KIF2A: variants seen among roughly 807,000 people sequenced by gnomAD.
KIF2A encodes kinesin-like protein KIF2A.
KIF2A carries 22 observed loss-of-function variants against 100.2 expected under a neutral mutation model. The ratio of observed to expected loss-of-function variants is 0.22; its 90% CI spans 0.16 to 0.31. The LOEUF is 0.31. Among genes scored for constraint, KIF2A ranks in the 10% least tolerant of loss-of-function variants. The pLI is 1.00. For missense variants in KIF2A, 495 were observed against 898.7 expected (o/e 0.55, Z 5.74); for synonymous variants, 268 against 285.9 (o/e 0.94, Z 0.63).
intron 10 of KIF2A, 21 bp downstream of exon 10, chr5:62,361,353 A>G: frequency 1.3e-6 from 2 of 1,537,664 alleles, no homozygotes; most frequent in Non-Finnish European, 1.8e-6. Context: ...TATTAAAGTT[A>G]CATTCTGGTA....
At chr5:62,330,806 A>G (rs1561255088) in intron 1 of KIF2A, among the ~76,000 whole-genome samples, 1 of 152,170 alleles carries the variant, frequency 6.6e-6, no homozygotes, top group Admixed American at 6.5e-5. Context: ...GACACACTAT[A>G]TATTTTAATT....
chr5:62,324,721 A>G (rs1311894282), intron 1 of KIF2A, among the ~76,000 whole-genome samples: 1 of 152,250 alleles, frequency 6.6e-6, no homozygotes, highest in Non-Finnish European at 1.5e-5. Context: ...AAAATGGATT[A>G]AAGACTTAAA....
intron 18 of KIF2A, among the ~76,000 whole-genome samples, chr5:62,375,541 G>GT (rs1741500150): frequency 6.6e-6 from 1 of 152,176 alleles, no homozygotes; most frequent in Non-Finnish European, 1.5e-5. Context: ...GCCAAACCTT[G>GT]TATCAATTAA....
At chr5:62,372,618 C>G in intron 17 of KIF2A, 67 bp downstream of exon 17, 1 of 909,730 alleles carries the variant, frequency 1.1e-6, no homozygotes, top group Non-Finnish European at 1.7e-6. Context: ...TTTGTATAAA[C>G]ATTTCATTTG....
chr5:62,341,925 T>C (rs192941522), intron 1 of KIF2A, among the ~76,000 whole-genome samples: 102 of 152,318 alleles, frequency 6.7e-4, no homozygotes, highest in African/African-American at 2.4e-3. Context: ...TTTTTCTTTT[T>C]TTTCCAACTA....
At chr5:62,382,634 G>GT (rs35714674) in intron 20 of KIF2A, among the ~76,000 whole-genome samples, 32,554 of 134,696 alleles carry the variant, frequency 0.24, 4,035 homozygotes, top group Middle Eastern at 0.29. Flanking sequence ...CAGGTTTCAG[G>GT]TTTTTTTTTT....
chr5:62,374,409 C>T (rs1309103479), intron 18 of KIF2A, among the ~76,000 whole-genome samples: 1 of 152,130 alleles, frequency 6.6e-6, no homozygotes, highest in African/African-American at 2.4e-5. Context: ...TTATCTGGCC[C>T]TTTAAGGAAG....
intron 10 of KIF2A, 54 bp downstream of exon 10, chr5:62,361,386 T>C: frequency 1.4e-6 from 2 of 1,457,972 alleles, no homozygotes; most frequent in Admixed American, 3.4e-5. Context: ...TTCTTTTCCT[T>C]ATAGCTTAAT....
At chr5:62,376,051 A>ATGT (rs1224649693) in intron 18 of KIF2A, among the ~76,000 whole-genome samples, 1 of 152,242 alleles carries the variant, frequency 6.6e-6, no homozygotes, top group Non-Finnish European at 1.5e-5. Flanking sequence ...GCATCTAGAT[A>ATGT]TGTTACCTCC....
chr5:62,308,896 G>A (rs543692625), intron 1 of KIF2A, among the ~76,000 whole-genome samples: 4 of 129,800 alleles, frequency 3.1e-5, no homozygotes, highest in Non-Finnish European at 4.9e-5. Context: ...TTAAATAAGT[G>A]GATTTTAGCA....
In KIF2A at chr5:62,335,793, T is replaced by C. The variant is rs143159547; in HGVS notation, c.65-11337T>C. Among the ~76,000 whole-genome samples, 123 of 152,306 alleles carry C rather than the reference T, an allele frequency of 8.1e-4. 1 individual carries two copies. Among genetic ancestry groups the C allele is most frequent in the African/African-American group, 2.7e-3 (112 of 41,580 alleles). Reference sequence around the variant, plus strand: ...GGTGTTTTTTGTTTCACTTTACCCCTAACAGATGACATTTTCTGTACTAAT... The same window carrying C: ...GGTGTTTTTTGTTTCACTTTACCCCCAACAGATGACATTTTCTGTACTAAT... On this transcript the variant is annotated intron_variant, in intron 1 of 20. Coordinates refer to ENST00000407818, the MANE Select transcript of KIF2A (RefSeq NM_001098511.3).
rs1180819301 is a variant in KIF2A at position 62,328,599 on chromosome 5, C to G, written c.65-18531C>G. On this transcript the variant is annotated intron_variant, in intron 1 of 20. Coordinates refer to ENST00000407818, the MANE Select transcript of KIF2A (RefSeq NM_001098511.3). ...CACTGCCTCCGGGGTTCAAGTGATTCTCCTGCCTCAGCCTCCCAGGTAGCT... is the reference window on the plus strand; with the variant it reads ...CACTGCCTCCGGGGTTCAAGTGATTGTCCTGCCTCAGCCTCCCAGGTAGCT... Among the ~76,000 whole-genome samples the G allele has an allele frequency of 5.3e-5, 8 of 152,200 alleles. No individual in the cohort carries two copies. In the East Asian group the frequency reaches 5.8e-4, roughly 11 times the overall value.
chr5:62,373,606 C>T (rs987261220), intron 17 of KIF2A, 81 bp from the exon 18 acceptor site: 2 of 950,902 alleles, frequency 2.1e-6, no homozygotes, highest in South Asian at 1.4e-5. Context: ...AACTGAATTG[C>T]GTGTATATTG....
intron 20 of KIF2A, among the ~76,000 whole-genome samples, chr5:62,384,647 G>GC (rs1227673637): frequency 6.6e-6 from 1 of 152,188 alleles, no homozygotes; most frequent in Non-Finnish European, 1.5e-5. Context: ...CTTCACAGCT[G>GC]CATGTAATTT....
At chr5:62,319,296 T>G (rs1745987453) in intron 1 of KIF2A, among the ~76,000 whole-genome samples, 1 of 152,214 alleles carries the variant, frequency 6.6e-6, no homozygotes, top group Admixed American at 6.5e-5. Context: ...TGTTCTCTAC[T>G]TCTGTTGCCC....
At chr5:62,359,113 T>C (rs1337142835) in intron 9 of KIF2A, among the ~76,000 whole-genome samples, 1 of 152,242 alleles carries the variant, frequency 6.6e-6, no homozygotes, top group Non-Finnish European at 1.5e-5. Context: ...CATGAGATTC[T>C]TGTATGTTTT....
intron 1 of KIF2A, among the ~76,000 whole-genome samples, chr5:62,324,697 A>G (rs1475255744): frequency 4.6e-5 from 7 of 152,236 alleles, no homozygotes; most frequent in Admixed American, 2.0e-4. Flanking sequence ...TTCACCATAA[A>G]CAAAAATTAA....
chr5:62,389,315 GTC>G lies in KIF2A; in HGVS notation c.*3750_*3751del, dbSNP rs1156250140. Among the ~76,000 whole-genome samples, 2 of 151,608 alleles carry G rather than the reference GTC, an allele frequency of 1.3e-5. No homozygotes were observed. The highest frequency in any genetic ancestry group is 1.9e-4 in the East Asian group (1 of 5,158). ...AGTCTGGCCAACATGGTGAAACCCC[GTC>G]TCTACTAAAAATACAAAAATTAGCC... On this transcript the variant is annotated 3_prime_UTR_variant, in exon 21 of 21. Transcript: ENST00000407818.
At chr5:62,360,387 T>C (rs1748340678) in intron 9 of KIF2A, among the ~76,000 whole-genome samples, 1 of 152,132 alleles carries the variant, frequency 6.6e-6, no homozygotes, top group African/African-American at 2.4e-5. Context: ...ACCAATACAT[T>C]TGAAATATAA....
Sources: allele counts gnomAD v4.1 joint callset (sites outside exome capture counted in the v4.1 genomes callset), GRCh38; gene constraint gnomAD v4.1.1; transcripts MANE v1.5; gene names NCBI Gene and HGNC (gene_info 2026-07-23, HGNC 2026-07-21).